The following GRID2 variants were observed in gnomAD, a reference collection of about 807,000 sequenced individuals.
GRID2 encodes glutamate ionotropic receptor delta type subunit 2, also known as glutamate receptor ionotropic, delta-2.
A neutral mutation model predicts 114.8 loss-of-function variants in GRID2; 33 were observed. That is an observed-to-expected ratio of 0.29 (90% confidence interval 0.22 to 0.38). GRID2 has a LOEUF of 0.38. Among genes scored for constraint, GRID2 ranks in the 10% least tolerant of loss-of-function variants. GRID2 has a pLI of 1.00. For missense variants in GRID2, 1,184 were observed against 1,257.7 expected, an observed-to-expected ratio of 0.94 and a Z score of 0.89; for synonymous variants, 505 against 449.9, an observed-to-expected ratio of 1.12 and a Z score of -1.55.
intron 4 of GRID2, chr4:93,166,005 GT>G (rs991898571): frequency 2.0e-5 from 3 of 152,084 alleles, no homozygotes; most frequent in African/African-American, 7.2e-5. Flanking sequence ...TAAATCATAT[GT>G]ATAGGCACTT....
chr4:92,821,226 T>A (rs1334647180), intron 2 of GRID2, among the ~76,000 whole-genome samples: 2 of 152,146 alleles, frequency 1.3e-5, no homozygotes, highest in Admixed American at 1.3e-4. Flanking sequence ...TTCTTGTAAA[T>A]AATTCCAATA....
intron 2 of GRID2, among the ~76,000 whole-genome samples, chr4:92,692,419 G>T (rs1351127400): frequency 1.3e-5 from 2 of 152,070 alleles, no homozygotes; most frequent in African/African-American, 2.4e-5. Context: ...AGGATTATGG[G>T]AAATTAAATG....
At chr4:93,050,749 G>C (rs1726633412) in intron 2 of GRID2, among the ~76,000 whole-genome samples, 1 of 151,892 alleles carries the variant, frequency 6.6e-6, no homozygotes, top group Non-Finnish European at 1.5e-5. Context: ...TGAAGCTACA[G>C]GTATGACAAA....
At chr4:93,142,066 T>G (rs115740979) in intron 4 of GRID2, among the ~76,000 whole-genome samples, 3,281 of 152,150 alleles carry the variant, frequency 0.022, 38 homozygotes, top group Middle Eastern at 0.054. Context: ...ATACAAAAAT[T>G]AGCTGAGCAT....
chr4:92,445,699 C>G (rs1472155604), intron 1 of GRID2, among the ~76,000 whole-genome samples: 1 of 152,214 alleles, frequency 6.6e-6, no homozygotes, highest in Non-Finnish European at 1.5e-5. Context: ...ATGATACAGA[C>G]TAGCCCCATC....
intron 2 of GRID2, among the ~76,000 whole-genome samples, chr4:92,854,856 TTTTTGCC>T (rs1342755264): frequency 1.3e-5 from 2 of 152,006 alleles, no homozygotes; most frequent in Admixed American, 1.3e-4. Flanking sequence ...CAATGTCTTA[TTTTTGCC>T]AATCTCTTTG....
chr4:93,208,253 A>G (rs1743041034), intron 5 of GRID2, among the ~76,000 whole-genome samples: 1 of 152,010 alleles, frequency 6.6e-6, no homozygotes, highest in Non-Finnish European at 1.5e-5. Flanking sequence ...ATTTTTGGAT[A>G]AGAATCCTGG....
intron 1 of GRID2, among the ~76,000 whole-genome samples, chr4:92,494,176 A>T (rs766085507): frequency 1.8e-4 from 27 of 152,186 alleles, no homozygotes; most frequent in Admixed American, 2.0e-4. Context: ...ATAAAACTCT[A>T]TTATGTTGAT....
chr4:93,109,823 A>T (rs1732597856), intron 3 of GRID2, among the ~76,000 whole-genome samples: 1 of 152,136 alleles, frequency 6.6e-6, no homozygotes. Flanking sequence ...TCTTCTATAA[A>T]CAAGCAATCT....
chr4:92,749,317 T>G (rs951762045), intron 2 of GRID2, among the ~76,000 whole-genome samples: 1 of 138,366 alleles, frequency 7.2e-6, no homozygotes, highest in Non-Finnish European at 1.6e-5. Flanking sequence ...TAGCTTTTTT[T>G]TTTTTTTTTT....
Position 93,650,759 on chromosome 4 carries a change from A to T in GRID2, c.2360+24324A>T, listed in dbSNP as rs547475661. Among the ~76,000 whole-genome samples the T allele has an allele frequency of 2.6e-5, 4 of 152,316 alleles. No homozygotes were observed. The South Asian group carries it at 8.3e-4, about 32-fold the overall frequency. On this transcript the variant is annotated intron_variant, in intron 14 of 15. Transcript: ENST00000282020. ...CAGTGCATGTAGAAAAATGTAAAAAATAAATGAGAAAATTAACCTGTTCAA... is the reference window on the plus strand; with the variant it reads ...CAGTGCATGTAGAAAAATGTAAAAATTAAATGAGAAAATTAACCTGTTCAA...
At chr4:93,040,678 G>A (rs1023572494) in intron 2 of GRID2, among the ~76,000 whole-genome samples, 8 of 152,014 alleles carry the variant, frequency 5.3e-5, no homozygotes, top group Admixed American at 3.9e-4. Flanking sequence ...AAAATCGGTC[G>A]GAACAGTGTT....
intron 10 of GRID2, among the ~76,000 whole-genome samples, chr4:93,445,483 G>C (rs1048132174): frequency 6.6e-6 from 1 of 151,828 alleles, no homozygotes; most frequent in Non-Finnish European, 1.5e-5. Context: ...TCTTAGTTTT[G>C]CTTCCCTATG....
At chr4:92,560,161 G>A (rs915357510) in intron 1 of GRID2, among the ~76,000 whole-genome samples, 2 of 152,134 alleles carry the variant, frequency 1.3e-5, no homozygotes, top group African/African-American at 4.8e-5. Flanking sequence ...GGATAAATGT[G>A]GAGAAGAAAG....
In GRID2 at chr4:93,423,508, A is replaced by G. The variant is rs928467971; in HGVS notation, c.1545+540A>G. On this transcript the variant is annotated intron_variant, in intron 10 of 15. Transcript: ENST00000282020. ...ACTACAGGCGCCCGCCCCCACGCCC[A>G]GCTAATTTTTTTGTATTTTTAGTAG... 9.3e-5 allele frequency among the ~76,000 whole-genome samples: 14 copies of G among 150,860 alleles called. 1 individual carries two copies. The highest frequency in any genetic ancestry group is 3.9e-4 in the East Asian group (2 of 5,142).
chr4:93,455,557 AT>A, intron 10 of GRID2, 104 bp from the exon 11 acceptor site: 1 of 673,432 alleles, frequency 1.5e-6, no homozygotes, highest in Non-Finnish European at 2.6e-6. Flanking sequence ...AAAGATTTAT[AT>A]TGCCTGAGGC....
intron 1 of GRID2, among the ~76,000 whole-genome samples, chr4:92,385,524 C>T (rs1418178723): frequency 1.3e-5 from 2 of 151,302 alleles, no homozygotes; most frequent in Admixed American, 6.6e-5. Context: ...GCTATGAAAA[C>T]TCTCATGTCA....
intron 14 of GRID2, among the ~76,000 whole-genome samples, chr4:93,672,346 C>T (rs917110426): frequency 2.0e-5 from 3 of 152,122 alleles, no homozygotes; most frequent in African/African-American, 4.8e-5. Context: ...GTGGGGGTGT[C>T]GATGGAGTGT....
intron 1 of GRID2, among the ~76,000 whole-genome samples, chr4:92,449,676 G>GATATATATATATATATATATATATAT (rs371209786): frequency 2.1e-5 from 2 of 96,746 alleles, no homozygotes; most frequent in East Asian, 5.7e-4. Context: ...TTTTCTTACT[G>GATATATATATATATATATATATATAT]ATATATATAT....
Sources: allele counts gnomAD v4.1 joint callset (sites outside exome capture counted in the v4.1 genomes callset), GRCh38; gene constraint gnomAD v4.1.1; transcripts MANE v1.5; gene names NCBI Gene and HGNC (gene_info 2026-07-23, HGNC 2026-07-21).